Variants in LPIN1 observed in about 807,000 individuals in gnomAD.
LPIN1 encodes lipin 1, also known as phosphatidate phosphatase LPIN1.
LPIN1 carries 71 observed loss-of-function variants against 107.5 expected under a neutral mutation model. That is an observed-to-expected ratio of 0.66 (90% CI 0.55 to 0.80). The LOEUF (loss-of-function observed/expected upper bound fraction) is 0.80, where lower values mean the gene tolerates loss of function less well. LPIN1 is among the 30% of genes least tolerant of loss of function. The pLI, the probability that LPIN1 is intolerant of heterozygous loss-of-function variation, is 0.00. For missense variants in LPIN1, 1,043 were observed against 1,160.6 expected (o/e 0.90, Z 1.47); for synonymous variants, 445 against 452.6 (o/e 0.98, Z 0.21).
chr2:11,750,323 T>C (rs1667604259), intron 1 of LPIN1, among the ~76,000 whole-genome samples: 1 of 152,230 alleles, frequency 6.6e-6, no homozygotes, highest in Non-Finnish European at 1.5e-5. Flanking sequence ...CATTGGACTC[T>C]GTGCAATGCC....
At chr2:11,698,003 G>C (rs1662675277) in intron 1 of LPIN1, among the ~76,000 whole-genome samples, 1 of 152,172 alleles carries the variant, frequency 6.6e-6, no homozygotes, top group Non-Finnish European at 1.5e-5. Context: ...GTGGTGGTCA[G>C]AGAGTTTCAC....
intron 17 of LPIN1, chr2:11,805,657 G>A (rs907905073): frequency 4.5e-6 from 1 of 219,864 alleles, no homozygotes; most frequent in East Asian, 1.1e-4. Context: ...AGTGCCCACC[G>A]TGGGACCCTC....
chr2:11,713,773 C>A, exon 2 of LPIN1: 2 of 1,519,342 alleles, frequency 1.3e-6, no homozygotes, highest in Non-Finnish European at 1.8e-6. Context: ...TAATGAGAGA[C>A]CCTGGGTGGA....
chr2:11,769,675 A>G (rs1253207873), intron 3 of LPIN1, among the ~76,000 whole-genome samples: 1 of 152,118 alleles, frequency 6.6e-6, no homozygotes, highest in Non-Finnish European at 1.5e-5. Context: ...TCATATGCAT[A>G]AAGAGTCCTT....
intron 1 of LPIN1, among the ~76,000 whole-genome samples, chr2:11,762,562 G>C (rs534309754): frequency 1.9e-4 from 29 of 151,996 alleles, no homozygotes; most frequent in Non-Finnish European, 3.2e-4. Flanking sequence ...GGGTGAAGAG[G>C]GCTTATCATG....
chr2:11,726,950 A>G (rs1362255777), intron 1 of LPIN1, among the ~76,000 whole-genome samples: 4 of 152,216 alleles, frequency 2.6e-5, no homozygotes, highest in Admixed American at 6.5e-5. Context: ...ATTGGGATGA[A>G]GGCCACAAAG....
chr2:11,811,950 A>T (rs531739955), intron 17 of LPIN1, among the ~76,000 whole-genome samples: 1 of 152,138 alleles, frequency 6.6e-6, no homozygotes, highest in Non-Finnish European at 1.5e-5. Flanking sequence ...GTGCCACTGC[A>T]CTCCAGCCTG....
intron 1 of LPIN1, among the ~76,000 whole-genome samples, chr2:11,729,984 C>G (rs1015862659): frequency 6.6e-6 from 1 of 151,844 alleles, no homozygotes; most frequent in Non-Finnish European, 1.5e-5. Flanking sequence ...TTAGAAAATT[C>G]TAGTCTATTA....
intron 1 of LPIN1, among the ~76,000 whole-genome samples, chr2:11,724,991 G>A (rs570845450): frequency 5.3e-5 from 8 of 152,170 alleles, no homozygotes; most frequent in Non-Finnish European, 1.0e-4. Context: ...GGCCGGGCGC[G>A]GTGGCTCACA....
At chr2:11,787,632 C>T (rs1212208755) in intron 11 of LPIN1, among the ~76,000 whole-genome samples, 8 of 151,978 alleles carry the variant, frequency 5.3e-5, no homozygotes, top group Admixed American at 5.2e-4. Context: ...TAGCCTACAT[C>T]TCTACCCTTT....
At chr2:11,805,283 G>A (rs1678481152) in intron 17 of LPIN1, 127 bp downstream of exon 17, 1 of 760,618 alleles carries the variant, frequency 1.3e-6, no homozygotes, top group Admixed American at 2.0e-5. Flanking sequence ...AACCAGGGAG[G>A]GGCAGTGGGG....
chr2:11,788,908 G>T (rs1414503370), intron 12 of LPIN1, among the ~76,000 whole-genome samples: 1 of 152,230 alleles, frequency 6.6e-6, no homozygotes, highest in Non-Finnish European at 1.5e-5. Flanking sequence ...GAGTCTCTGA[G>T]GCCAGAGCCA....
At chr2:11,790,718 T>C (rs1349267372) in intron 12 of LPIN1, among the ~76,000 whole-genome samples, 1 of 152,208 alleles carries the variant, frequency 6.6e-6, no homozygotes, top group Non-Finnish European at 1.5e-5. Flanking sequence ...CTCTGTTACG[T>C]GTCTCTGTGA....
chr2:11,693,513 C>T (rs541034534), intron 1 of LPIN1, among the ~76,000 whole-genome samples: 4 of 152,028 alleles, frequency 2.6e-5, no homozygotes, highest in Non-Finnish European at 5.9e-5. Flanking sequence ...GCACCCCCTT[C>T]GGTGGTTCGT....
At chr2:11,789,448 G>A (rs1478464166) in intron 12 of LPIN1, among the ~76,000 whole-genome samples, 1 of 152,138 alleles carries the variant, frequency 6.6e-6, no homozygotes, top group Admixed American at 6.5e-5. Context: ...GTATGTGCAT[G>A]TGTATATGTG....
At position 11,705,276 on chromosome 2, in the gene LPIN1, A is replaced by C. The variant is rs1004193276; in HGVS notation, c.82-8480A>C. On this transcript the variant is annotated intron_variant, in intron 1 of 21. Coordinates refer to the LPIN1 transcript ENST00000449576. ...CCAAGTCCTTTGACCTTCTGAGCTC[A>C]ACTGTATATTGAAAAAAAAATCACC... Among the ~76,000 whole-genome samples, 12 of 152,196 alleles carry C rather than the reference A, an allele frequency of 7.9e-5. 1 individual carries two copies. In the East Asian group the frequency reaches 2.3e-3, roughly 29 times the overall value.
At chr2:11,763,991 A>G (rs78903238) in intron 1 of LPIN1, among the ~76,000 whole-genome samples, 19,290 of 91,602 alleles carry the variant, frequency 0.21, 2,403 homozygotes, top group African/African-American at 0.43. Context: ...GTGTGTGTAT[A>G]TATATATATA....
In LPIN1 at chr2:11,784,938, G is replaced by A. The variant is rs775805035; in HGVS notation, c.1411G>A (p.Ala471Thr). The A allele has an allele frequency of 4.3e-6, 7 of 1,613,990 alleles. No homozygotes were observed. The East Asian group carries it at 6.7e-5, about 15-fold the overall frequency. Reference sequence around the variant, plus strand: ...TGCAAGCGACAACGGAGCCCGGTCAGCCAACCAGTCCCCGCAGTCGGTGGG... The same window carrying A: ...TGCAAGCGACAACGGAGCCCGGTCAACCAACCAGTCCCCGCAGTCGGTGGG... ...KHASDNGARSANQSPQSVGSS... is the reference protein window; with the variant it reads ...KHASDNGARSTNQSPQSVGSS... The change falls in exon 10 of 21, where the codon GCC becomes ACC. Residue 471 changes from alanine to threonine, a missense_variant. By Grantham distance (58) the Ala-to-Thr change is moderately conservative. Transcript: ENST00000674199.
At chr2:11,740,527 T>C (rs1286400334) in intron 1 of LPIN1, among the ~76,000 whole-genome samples, 2 of 150,586 alleles carry the variant, frequency 1.3e-5, no homozygotes, top group Non-Finnish European at 3.0e-5. Flanking sequence ...TAAAAAAAAA[T>C]ACAAAAATTA....
Sources: allele counts gnomAD v4.1 joint callset (sites outside exome capture counted in the v4.1 genomes callset), GRCh38; gene constraint gnomAD v4.1.1; transcripts MANE v1.5; gene names NCBI Gene and HGNC (gene_info 2026-07-23, HGNC 2026-07-21).